The following ADAM12 variants were observed in gnomAD, a reference collection of about 807,000 sequenced individuals.
ADAM12 encodes the protein ADAM metallopeptidase domain 12, also known as disintegrin and metalloproteinase domain-containing protein 12.
In ADAM12, 70 loss-of-function variants were observed where a neutral mutation model predicts 106.4. The ratio of observed to expected loss-of-function variants is 0.66; its 90% CI spans 0.54 to 0.80. The LOEUF (loss-of-function observed/expected upper bound fraction) is 0.80, where lower values mean the gene tolerates loss of function less well. ADAM12 is among the 30% of genes least tolerant of loss of function. The pLI, the probability that ADAM12 is intolerant of heterozygous loss-of-function variation, is 0.00. For synonymous variants in ADAM12, 420 were observed against 433.5 expected, an observed-to-expected ratio of 0.97 and a Z score of 0.39; for missense variants, 1,010 against 1,171.9, an observed-to-expected ratio of 0.86 and a Z score of 2.02.
chr10:126,149,954 T>G (rs1037413825), intron 4 of ADAM12, among the ~76,000 whole-genome samples: 1 of 152,244 alleles, frequency 6.6e-6, no homozygotes, highest in African/African-American at 2.4e-5. Flanking sequence ...GTCCTATTAG[T>G]TCTGTCCTTC....
chr10:126,170,446 G>T (rs1957099715), intron 3 of ADAM12, among the ~76,000 whole-genome samples: 1 of 125,542 alleles, frequency 8.0e-6, no homozygotes. Flanking sequence ...AAAGAGGGCG[G>T]GGGGGGAGTC....
chr10:126,136,797 G>C (rs1053891754), intron 4 of ADAM12, among the ~76,000 whole-genome samples: 1 of 152,186 alleles, frequency 6.6e-6, no homozygotes, highest in Admixed American at 6.5e-5. Flanking sequence ...GAGGGTGATA[G>C]GGTTAAGGGG....
At chr10:126,284,806 G>T (rs1959769729) in intron 2 of ADAM12, among the ~76,000 whole-genome samples, 1 of 152,188 alleles carries the variant, frequency 6.6e-6, no homozygotes. Context: ...TGTGGCCATT[G>T]TATGTCTGGG....
At chr10:126,335,132 G>A (rs1236217729) in intron 1 of ADAM12, among the ~76,000 whole-genome samples, 2 of 152,146 alleles carry the variant, frequency 1.3e-5, no homozygotes, top group Admixed American at 1.3e-4. Flanking sequence ...CACACTATTG[G>A]TGCAAAAATC....
At position 126,344,162 on chromosome 10, in the gene ADAM12, ATT is replaced by A. The variant is rs1330843317; in HGVS notation, c.89-13655_89-13654del. ...GGGTTTTTATGGTTTTAGGTCTAAC[ATT>A]TAAGTCTTTAATCCATCTTGAATTA... On this transcript the variant is annotated intron_variant, in intron 1 of 22. Coordinates refer to ENST00000448723, the MANE Select transcript of ADAM12 (RefSeq NM_001288973.2). 5.9e-5 allele frequency among the ~76,000 whole-genome samples: 9 copies of A among 152,198 alleles called. 1 individual carries two copies. Among genetic ancestry groups the A allele is most frequent in the African/African-American group, 2.2e-4 (9 of 41,538 alleles).
At chr10:126,021,152 A>G (rs1424754595) in intron 21 of ADAM12, among the ~76,000 whole-genome samples, 1 of 152,124 alleles carries the variant, frequency 6.6e-6, no homozygotes, top group Non-Finnish European at 1.5e-5. Context: ...TGTGGGTGCC[A>G]TGTCTTGTCT....
intron 7 of ADAM12, among the ~76,000 whole-genome samples, 182 bp downstream of exon 7, chr10:126,109,593 A>G (rs929082306): frequency 3.9e-5 from 6 of 152,208 alleles, no homozygotes; most frequent in African/African-American, 1.4e-4. Context: ...TATATATCAA[A>G]TAAATTTTTA....
At chr10:126,245,212 C>A (rs771373986) in intron 3 of ADAM12, among the ~76,000 whole-genome samples, 1 of 152,186 alleles carries the variant, frequency 6.6e-6, no homozygotes, top group Non-Finnish European at 1.5e-5. Context: ...CTCTGTAAGA[C>A]AAACTGGTGG....
chr10:126,223,347 C>A (rs1321718623), intron 3 of ADAM12, among the ~76,000 whole-genome samples: 2 of 152,202 alleles, frequency 1.3e-5, no homozygotes, highest in African/African-American at 4.8e-5. Flanking sequence ...CTCAAATCAG[C>A]TGAGGTTCTA....
chr10:126,269,076 C>G (rs939800746), intron 3 of ADAM12, among the ~76,000 whole-genome samples: 22 of 152,284 alleles, frequency 1.4e-4, no homozygotes, highest in African/African-American at 5.3e-4. Context: ...ATTCATGCCT[C>G]CCCTTTTTAG....
At chr10:126,380,017 G>A (rs922069809) in intron 1 of ADAM12, among the ~76,000 whole-genome samples, 6 of 152,142 alleles carry the variant, frequency 3.9e-5, no homozygotes, top group Non-Finnish European at 8.8e-5. Flanking sequence ...GACAGAAAAC[G>A]TTATCCAATG....
At chr10:126,083,411 G>A (rs1349904960) in intron 11 of ADAM12, among the ~76,000 whole-genome samples, 1 of 152,208 alleles carries the variant, frequency 6.6e-6, no homozygotes, top group Non-Finnish European at 1.5e-5. Context: ...GGGCCTCTGG[G>A]CAGCCTCAGG....
Position 126,190,989 on chromosome 10 carries a change from C to CTTTTTTTTTTTTTTTTTTTTTTTTTT in ADAM12, c.261-35685_261-35684insAAAAAAAAAAAAAAAAAAAAAAAAAA, listed in dbSNP as rs1957488604. Among the ~76,000 whole-genome samples the CTTTTTTTTTTTTTTTTTTTTTTTTTT allele has an allele frequency of 2.6e-4, 18 of 68,710 alleles. 9 individuals carry two copies. Among genetic ancestry groups the CTTTTTTTTTTTTTTTTTTTTTTTTTT allele is most frequent in the African/African-American group, 3.0e-4 (8 of 26,280 alleles). The allele number at this position is 68,710 out of a possible 152,430, so 45.1% of individuals were successfully genotyped here. ...TTTGAGTTGCCATGAGGAGTTTTGT[C>CTTTTTTTTTTTTTTTTTTTTTTTTTT]CTTTTTTTTTTTTTTTTTTTTTTTT... On this transcript the variant is annotated intron_variant, in intron 3 of 22. Transcript: ENST00000448723.
At chr10:126,373,492 G>A (rs536017044) in intron 1 of ADAM12, among the ~76,000 whole-genome samples, 1 of 152,338 alleles carries the variant, frequency 6.6e-6, no homozygotes, top group Non-Finnish European at 1.5e-5. Context: ...TGAGAATCAA[G>A]CTGCCAAGCG....
intron 3 of ADAM12, among the ~76,000 whole-genome samples, chr10:126,237,142 C>T (rs1958434578): frequency 1.3e-5 from 2 of 152,284 alleles, no homozygotes; most frequent in South Asian, 4.1e-4. Context: ...CCTCATGACA[C>T]ATCTAATTCA....
intron 18 of ADAM12, among the ~76,000 whole-genome samples, chr10:126,040,375 G>A (rs1332835893): frequency 2.0e-5 from 3 of 152,188 alleles, no homozygotes; most frequent in African/African-American, 7.2e-5. Flanking sequence ...GGTGATCGCC[G>A]TGATGCAGTT....
chr10:126,172,895 G>C (rs189739747), intron 3 of ADAM12, among the ~76,000 whole-genome samples: 1 of 152,278 alleles, frequency 6.6e-6, no homozygotes, highest in Non-Finnish European at 1.5e-5. Context: ...AAGAAAATGT[G>C]GCACATATAC....
intron 3 of ADAM12, among the ~76,000 whole-genome samples, chr10:126,244,428 A>G (rs905554642): frequency 1.3e-5 from 2 of 151,292 alleles, no homozygotes; most frequent in African/African-American, 2.5e-5. Flanking sequence ...CAGAGAAGGG[A>G]GGGCTCAGGA....
intron 3 of ADAM12, among the ~76,000 whole-genome samples, chr10:126,251,511 A>G (rs1415526524): frequency 6.6e-6 from 1 of 151,494 alleles, no homozygotes; most frequent in Non-Finnish European, 1.5e-5. Context: ...GATGGGATGA[A>G]TGGATGGGAT....
Sources: allele counts gnomAD v4.1 joint callset (sites outside exome capture counted in the v4.1 genomes callset), GRCh38; gene constraint gnomAD v4.1.1; transcripts MANE v1.5; gene names NCBI Gene and HGNC (gene_info 2026-07-23, HGNC 2026-07-21).